Variants in ADGRL3 observed in about 807,000 individuals in gnomAD.
ADGRL3 encodes calcium-independent alpha-latrotoxin receptor 3.
ADGRL3 carries 62 observed loss-of-function variants against 153.5 expected under a neutral mutation model. That is an observed-to-expected ratio of 0.40 (90% confidence interval 0.33 to 0.50). The LOEUF (loss-of-function observed/expected upper bound fraction) is 0.50, where lower values mean the gene tolerates loss of function less well. Ranked by LOEUF, ADGRL3 falls within the 20% of genes least tolerant of loss-of-function variation. The probability of loss-of-function intolerance (pLI) is 0.47; values close to 1 mark genes in which losing one functional copy is unlikely to be tolerated. For synonymous variants in ADGRL3, 710 were observed against 672.5 expected, an observed-to-expected ratio of 1.06 and a Z score of -0.86; for missense variants, 1,641 against 1,859.4, an observed-to-expected ratio of 0.88 and a Z score of 2.16.
chr4:61,625,476 G>A (rs1158056797), intron 5 of ADGRL3, among the ~76,000 whole-genome samples: 1 of 151,954 alleles, frequency 6.6e-6, no homozygotes, highest in Admixed American at 6.6e-5. Flanking sequence ...ATACCAACAT[G>A]AATTGGTGTA....
chr4:62,065,783 G>A (rs1742661870), intron 25 of ADGRL3, among the ~76,000 whole-genome samples: 1 of 151,556 alleles, frequency 6.6e-6, no homozygotes, highest in Non-Finnish European at 1.5e-5. Flanking sequence ...ATTTTTACTG[G>A]TATCTTAAAG....
intron 4 of ADGRL3, among the ~76,000 whole-genome samples, chr4:61,540,383 T>C (rs1176753986): frequency 1.3e-5 from 2 of 151,972 alleles, no homozygotes; most frequent in Non-Finnish European, 2.9e-5. Context: ...ACTCCGTCTC[T>C]ACTAAAAATA....
At chr4:62,050,624 T>A (rs1053323451) in intron 25 of ADGRL3, among the ~76,000 whole-genome samples, 3 of 152,010 alleles carry the variant, frequency 2.0e-5, no homozygotes, top group Non-Finnish European at 2.9e-5. Flanking sequence ...AAAATCTAAG[T>A]GATGTTTCAC....
chr4:61,398,000 ATAT>A (rs1403858660), intron 2 of ADGRL3, among the ~76,000 whole-genome samples: 7 of 151,832 alleles, frequency 4.6e-5, no homozygotes, highest in Non-Finnish European at 7.4e-5. Flanking sequence ...GCCATTCTTC[ATAT>A]TATTGTAGAT....
At chr4:61,277,208 A>G (rs2093504717) in intron 1 of ADGRL3, among the ~76,000 whole-genome samples, 1 of 152,118 alleles carries the variant, frequency 6.6e-6, no homozygotes, top group Non-Finnish European at 1.5e-5. Context: ...CCAATAAATC[A>G]TTTATTCTCT....
chr4:61,850,509 G>A (rs975163342), intron 9 of ADGRL3, among the ~76,000 whole-genome samples: 3 of 152,110 alleles, frequency 2.0e-5, no homozygotes, highest in African/African-American at 4.8e-5. Context: ...GAGTAACCAA[G>A]TGAATAGTCC....
intron 1 of ADGRL3, among the ~76,000 whole-genome samples, chr4:61,336,942 A>C (rs974359537): frequency 6.6e-6 from 1 of 150,510 alleles, no homozygotes; most frequent in Admixed American, 6.6e-5. Context: ...ACTCTGTTCC[A>C]TACTTCCATA....
rs1202513738 is a variant in ADGRL3, at chr4:61,200,655, T to TGC, written c.-1340_-1339dup. The stretch of plus-strand genomic sequence containing the variant: ...TGCCTTGGTCCTCTTCCTACGGGTG[T>TGC]GCGCGCGCGCGGGTTGCACGGTTTG... On this transcript the variant is annotated 5_prime_UTR_variant, in exon 1 of 27. Transcript: ENST00000683033. Among the ~76,000 whole-genome samples the TGC allele has an allele frequency of 6.6e-6, 1 of 151,664 alleles. No homozygotes were observed. The highest frequency in any genetic ancestry group is 1.5e-5 in the Non-Finnish European group (1 of 67,872).
intron 4 of ADGRL3, among the ~76,000 whole-genome samples, chr4:61,519,744 C>T (rs906463024): frequency 6.6e-6 from 1 of 152,080 alleles, no homozygotes; most frequent in Admixed American, 6.6e-5. Context: ...GGAATTTGAA[C>T]AAGAAAATGT....
chr4:61,846,310 C>T (rs1305532012), intron 9 of ADGRL3, among the ~76,000 whole-genome samples: 1 of 151,020 alleles, frequency 6.6e-6, no homozygotes, highest in Non-Finnish European at 1.5e-5. Flanking sequence ...CAGTGAGACC[C>T]TGTCTCTAAA....
At chr4:61,462,312 C>G (rs1261736694) in intron 2 of ADGRL3, among the ~76,000 whole-genome samples, 1 of 152,184 alleles carries the variant, frequency 6.6e-6, no homozygotes, top group Non-Finnish European at 1.5e-5. Flanking sequence ...TATTAAAATA[C>G]ATATGCTCTT....
At chr4:61,952,737 A>G (rs1053692824) in intron 17 of ADGRL3, among the ~76,000 whole-genome samples, 3 of 152,154 alleles carry the variant, frequency 2.0e-5, no homozygotes, top group East Asian at 1.9e-4. Context: ...TCTGGATTGT[A>G]TTACTCTGGC....
intron 5 of ADGRL3, among the ~76,000 whole-genome samples, chr4:61,668,306 A>AT (rs1220677334): frequency 6.6e-6 from 1 of 152,092 alleles, no homozygotes; most frequent in Non-Finnish European, 1.5e-5. Context: ...AAAGAAACAG[A>AT]TTTTCCCCAA....
intron 4 of ADGRL3, among the ~76,000 whole-genome samples, chr4:61,545,837 T>A (rs1488975013): frequency 6.6e-6 from 1 of 152,032 alleles, no homozygotes. Context: ...TCTCTCTATG[T>A]TTGAGGTGTT....
chr4:61,253,058 A>C (rs148000896), intron 1 of ADGRL3, among the ~76,000 whole-genome samples: 95 of 152,282 alleles, frequency 6.2e-4, no homozygotes, highest in African/African-American at 2.1e-3. Context: ...TTAACTTTGT[A>C]AATCATTCAG....
chr4:61,420,938 G>A (rs2097198945), intron 2 of ADGRL3, among the ~76,000 whole-genome samples: 1 of 152,080 alleles, frequency 6.6e-6, no homozygotes, highest in African/African-American at 2.4e-5. Flanking sequence ...TTAGTGGAAG[G>A]CCTATATTCA....
chr4:61,884,724 A>G (rs1453846263), intron 9 of ADGRL3, among the ~76,000 whole-genome samples: 1 of 151,842 alleles, frequency 6.6e-6, no homozygotes. Flanking sequence ...CGCGGGGTTC[A>G]AGCAATTCTC....
At chr4:61,874,787 CTCTTTTT>C (rs1382897986) in intron 9 of ADGRL3, among the ~76,000 whole-genome samples, 19 of 88,610 alleles carry the variant, frequency 2.1e-4, no homozygotes, top group Admixed American at 4.3e-4. Flanking sequence ...CATCAAAATG[CTCTTTTT>C]TTTTTTTTTT....
chr4:61,293,566 T>TGC, intron 1 of ADGRL3, among the ~76,000 whole-genome samples: 1 of 152,304 alleles, frequency 6.6e-6, no homozygotes, highest in Middle Eastern at 3.4e-3. Context: ...GTGCTGCATA[T>TGC]AATATTAGTA....
Sources: allele counts gnomAD v4.1 joint callset (sites outside exome capture counted in the v4.1 genomes callset), GRCh38; gene constraint gnomAD v4.1.1; transcripts MANE v1.5; gene names NCBI Gene and HGNC (gene_info 2026-07-23, HGNC 2026-07-21).